PCDHA2: variants seen among roughly 807,000 people sequenced by gnomAD.
PCDHA2 encodes protocadherin alpha-2.
PCDHA2 carries 58 observed loss-of-function variants against 66.0 expected under a neutral mutation model. The ratio of observed to expected loss-of-function variants is 0.88; its 90% CI spans 0.71 to 1.09. PCDHA2 has a LOEUF of 1.09. Among genes scored for constraint, PCDHA2 ranks in the 50% least tolerant of loss-of-function variants. The probability of loss-of-function intolerance (pLI) is 0.00; values close to 1 mark genes in which losing one functional copy is unlikely to be tolerated. For missense variants in PCDHA2, 1,267 were observed against 1,242.3 expected, an observed-to-expected ratio of 1.02 and a Z score of -0.30; for synonymous variants, 634 against 554.0, an observed-to-expected ratio of 1.14 and a Z score of -2.03.
chr5:140,983,746 T>A (rs1206745225), intron 3 of PCDHA2, among the ~76,000 whole-genome samples: 2 of 152,228 alleles, frequency 1.3e-5, no homozygotes, highest in East Asian at 3.8e-4. Flanking sequence ...CTTGCAATAA[T>A]CCATTCAAAT....
chr5:140,969,372 T>G, intron 1 of PCDHA2: 1 of 1,606,704 alleles, frequency 6.2e-7, no homozygotes, highest in Non-Finnish European at 8.5e-7. Context: ...ACTCATGCAT[T>G]TGTTACACAT....
chr5:140,955,641 A>G (rs173471), intron 1 of PCDHA2, among the ~76,000 whole-genome samples: 85,644 of 151,978 alleles, frequency 0.56, 24,753 homozygotes, highest in African/African-American at 0.69. Flanking sequence ...TGTGAGAACA[A>G]ATTAATACAC....
chr5:140,879,685 A>G (rs2058084553), intron 1 of PCDHA2, among the ~76,000 whole-genome samples: 1 of 152,266 alleles, frequency 6.6e-6, no homozygotes, highest in East Asian at 1.9e-4. Flanking sequence ...GCTGTAAAAC[A>G]GCAAAAGTTT....
chr5:140,830,663 G>T (rs114741049), intron 1 of PCDHA2: 3 of 406,220 alleles, frequency 7.4e-6, no homozygotes, highest in Non-Finnish European at 1.2e-5. Context: ...CATAATTTAA[G>T]TGAAATTAGA....
chr5:140,871,272 G>A, intron 1 of PCDHA2: 2 of 1,613,942 alleles, frequency 1.2e-6, no homozygotes, highest in South Asian at 2.2e-5. Flanking sequence ...TGTGGTGGTC[G>A]GCAACGCCCA....
Position 140,969,340 on chromosome 5 carries a change from G to A in PCDHA2, c.2389-9609G>A, listed in dbSNP as rs1262555926. 6 of 1,613,738 alleles carry A rather than the reference G, an allele frequency of 3.7e-6. No homozygotes were observed. The African/African-American group carries it at 5.3e-5, about 14-fold the overall frequency. On this transcript the variant is annotated intron_variant, in intron 1 of 3. Coordinates refer to ENST00000526136, the MANE Select transcript of PCDHA2 (RefSeq NM_018905.3). The stretch of plus-strand genomic sequence containing the variant: ...CTGTTTCTCAAAATGAGGTGAGACA[G>A]TGGTCAGGGGGTCTTCTACAAACTC...
intron 1 of PCDHA2, among the ~76,000 whole-genome samples, chr5:140,955,987 A>T (rs1185683030): frequency 6.6e-6 from 1 of 152,198 alleles, no homozygotes; most frequent in Non-Finnish European, 1.5e-5. Context: ...CAATTTTTGC[A>T]CATTGATTTT....
At chr5:140,838,280 A>ATT (rs2150286950) in intron 1 of PCDHA2, among the ~76,000 whole-genome samples, 8,551 of 139,516 alleles carry the variant, frequency 0.061, 861 homozygotes, top group African/African-American at 0.2. Flanking sequence ...AGCCATGCTA[A>ATT]TTTTTTTTTT....
intron 1 of PCDHA2, chr5:140,802,468 T>G (rs1231379923): frequency 6.2e-7 from 1 of 1,614,024 alleles, no homozygotes; most frequent in East Asian, 2.2e-5. Context: ...TATGAGCTGG[T>G]GGTGACTGCT....
intron 1 of PCDHA2, chr5:140,802,546 A>G: frequency 6.2e-7 from 1 of 1,614,176 alleles, no homozygotes; most frequent in Non-Finnish European, 8.5e-7. Flanking sequence ...GACGTGAACG[A>G]CAATGCGCCG....
In PCDHA2 at chr5:140,850,134, A is replaced by C. The variant is rs2150469280; in HGVS notation, c.2388+52782A>C. 12 of 1,595,730 alleles carry C rather than the reference A, an allele frequency of 7.5e-6. 1 individual carries two copies. The highest frequency in any genetic ancestry group is 1.0e-5 in the Non-Finnish European group (12 of 1,167,876). On this transcript the variant is annotated intron_variant, in intron 1 of 3. Transcript: ENST00000526136. ...CGACGCGGGCGTGCCGCCTCTGGGC[A>C]GCAACGTGACGCTGCAGGTGTTCGT...
chr5:141,006,931 G>A (rs1268492539), intron 3 of PCDHA2, among the ~76,000 whole-genome samples: 1 of 152,158 alleles, frequency 6.6e-6, no homozygotes, highest in African/African-American at 2.4e-5. Flanking sequence ...ATTTCCAACT[G>A]GGGATACCAG....
chr5:140,941,202 C>CTTTCTTTCTTTCTCT (rs1554213921), intron 1 of PCDHA2, among the ~76,000 whole-genome samples: 1 of 122,742 alleles, frequency 8.1e-6, no homozygotes, highest in African/African-American at 3.0e-5. Context: ...TTTCTTTCTT[C>CTTTCTTTCTTTCTCT]CTTTCTTTCT....
intron 1 of PCDHA2, among the ~76,000 whole-genome samples, chr5:140,974,838 A>G (rs1554236389): frequency 6.6e-6 from 1 of 152,134 alleles, no homozygotes; most frequent in Admixed American, 6.5e-5. Context: ...ATTATTTTAA[A>G]TGTTATATTC....
intron 1 of PCDHA2, among the ~76,000 whole-genome samples, chr5:140,845,454 C>T: frequency 6.7e-6 from 1 of 149,512 alleles, no homozygotes; most frequent in East Asian, 1.9e-4. Context: ...TTCTTCAACT[C>T]TCTGATATTT....
rs202099274 is a variant in PCDHA2 at position 140,842,659 on chromosome 5, C to G, written c.2388+45307C>G. The G allele has an allele frequency of 6.9e-6, 11 of 1,595,186 alleles. No individual in the cohort carries two copies. The South Asian group carries it at 1.2e-4, about 18-fold the overall frequency. ...CCGCCAGCTTGTCTGTGGAGGTGGC[C>G]GACGTGAACGACAATGCTCCGGCGT... On this transcript the variant is annotated intron_variant, in intron 1 of 3. Transcript: ENST00000526136.
intron 1 of PCDHA2, chr5:140,841,964 A>G (rs2150326449): frequency 6.2e-7 from 1 of 1,613,930 alleles, no homozygotes; most frequent in East Asian, 2.2e-5. Context: ...CCTGACAGCC[A>G]CAGATGGGGG....
chr5:140,993,397 T>C (rs2097553822), intron 3 of PCDHA2, among the ~76,000 whole-genome samples: 2 of 151,682 alleles, frequency 1.3e-5, no homozygotes, highest in Admixed American at 1.3e-4. Context: ...ACTCCATCAT[T>C]AACCACCTTC....
At chr5:140,803,193 C>A in intron 1 of PCDHA2, 2 of 1,613,904 alleles carry the variant, frequency 1.2e-6, no homozygotes, top group Non-Finnish European at 1.7e-6. Flanking sequence ...GGCCACTGTG[C>A]TGGTGTCGCT....
Sources: gnomAD v4.1 joint callset for allele counts (sites outside exome capture counted in the v4.1 genomes callset) on GRCh38, gnomAD v4.1.1 for gene constraint, MANE v1.5 for transcripts, NCBI Gene and HGNC (gene_info 2026-07-23, HGNC 2026-07-21) for gene names.